ARHGEF18: variants seen among roughly 807,000 people sequenced by gnomAD.
ARHGEF18 encodes Rho/Rac guanine nucleotide exchange factor 18.
In ARHGEF18, 93 loss-of-function variants were observed where a neutral mutation model predicts 155.7. The ratio of observed to expected loss-of-function variants is 0.60; its 90% CI spans 0.50 to 0.71. The LOEUF (loss-of-function observed/expected upper bound fraction) is 0.71. ARHGEF18 is among the 30% of genes least tolerant of loss of function. ARHGEF18 has a pLI of 0.00. For missense variants in ARHGEF18, 1,593 were observed against 1,816.1 expected (o/e 0.88, Z 2.23); for synonymous variants, 742 against 753.1 (o/e 0.99, Z 0.24).
At chr19:7,377,466 T>A (rs908687053) in intron 5 of ARHGEF18, among the ~76,000 whole-genome samples, 1 of 152,130 alleles carries the variant, frequency 6.6e-6, no homozygotes, top group Non-Finnish European at 1.5e-5. Flanking sequence ...TCTAAACACA[T>A]AACAAGTCTC....
intron 1 of ARHGEF18, among the ~76,000 whole-genome samples, chr19:7,360,432 C>T (rs923848482): frequency 4.6e-5 from 7 of 152,208 alleles, no homozygotes; most frequent in South Asian, 2.1e-4. Context: ...GACTAGGTTT[C>T]GCCATGTTGG....
intron 10 of ARHGEF18, among the ~76,000 whole-genome samples, chr19:7,425,369 A>C (rs1458000256): frequency 2.0e-5 from 3 of 152,178 alleles, no homozygotes; most frequent in African/African-American, 2.4e-5. Context: ...CACAAAAAAA[A>C]CAAACTTTTG....
At chr19:7,476,517 A>G (rs1018386810), downstream of ARHGEF18, among the ~76,000 whole-genome samples, 2 of 152,192 alleles carry the variant, frequency 1.3e-5, no homozygotes, top group Admixed American at 6.5e-5. Flanking sequence ...GGGAGCCCCA[A>G]GTATCTTCAG....
At chr19:7,405,289 G>C (rs1358140997) in intron 10 of ARHGEF18, among the ~76,000 whole-genome samples, 3 of 152,184 alleles carry the variant, frequency 2.0e-5, no homozygotes, top group Non-Finnish European at 4.4e-5. Flanking sequence ...GGTGGCCCTA[G>C]GGATTCCTCG....
Position 7,440,104 on chromosome 19 carries a change from T to C in ARHGEF18, c.968-240T>C. The stretch of plus-strand genomic sequence containing the variant: ...GGTCCCGGAGCCCCGGGCGCGAACA[T>C]GGGGAATGCGCACTCCAAAAGCGGG... On this transcript the variant is annotated intron_variant, in intron 10 of 28. Transcript: ENST00000668164. The surrounding 1 kb of genome is among the most constrained non-coding windows in gnomAD (Gnocchi z 5.4). 6.4e-7 allele frequency: 1 copy of C among 1,550,626 alleles called. No homozygotes were observed. The highest frequency in any genetic ancestry group is 8.7e-7 in the Non-Finnish European group (1 of 1,146,620).
At chr19:7,479,511 C>A in the ARHGEF18 span, among the ~76,000 whole-genome samples, 1 of 152,152 alleles carries the variant, frequency 6.6e-6, no homozygotes, top group Non-Finnish European at 1.5e-5. Flanking sequence ...CCCTGGGCGC[C>A]GGACCCAGGC....
downstream of ARHGEF18, chr19:7,477,256 G>A (rs1197636980): frequency 6.3e-7 from 1 of 1,580,746 alleles, no homozygotes. Flanking sequence ...GGTACATGCT[G>A]AGGATTGAGG....
At chr19:7,353,895 G>A (rs1969217544) in intron 1 of ARHGEF18, among the ~76,000 whole-genome samples, 1 of 151,108 alleles carries the variant, frequency 6.6e-6, no homozygotes, top group Admixed American at 6.6e-5. Flanking sequence ...GGAGGTTGGA[G>A]GTTGCAGTGA....
intron 3 of ARHGEF18, 117 bp from the exon 4 acceptor site, chr19:7,375,603 C>G (rs929852946): frequency 1.9e-6 from 2 of 1,067,396 alleles, no homozygotes; most frequent in African/African-American, 1.6e-5. Flanking sequence ...GCTTGCGCAC[C>G]CTTCCTTGTC....
chr19:7,355,802 T>G, intron 1 of ARHGEF18: 2 of 762,670 alleles, frequency 2.6e-6, no homozygotes, highest in South Asian at 5.9e-5. Flanking sequence ...TTGGCTGCAG[T>G]ACAGACTCTG....
chr19:7,367,286 C>G (rs1235774290), intron 2 of ARHGEF18, among the ~76,000 whole-genome samples: 1 of 152,080 alleles, frequency 6.6e-6, no homozygotes, highest in Non-Finnish European at 1.5e-5. Flanking sequence ...TGACTGAGGT[C>G]TTTTTACCCA....
At chr19:7,479,746 G>C in the ARHGEF18 span, among the ~76,000 whole-genome samples, 1 of 152,224 alleles carries the variant, frequency 6.6e-6, no homozygotes. Context: ...TTCTGCAAGG[G>C]GGGACACGTG....
In ARHGEF18 at chr19:7,467,532, G is replaced by A; in HGVS notation, c.3328G>A (p.Glu1110Lys). The change falls in exon 26 of 29, where the codon GAG becomes AAG. Residue 1110 changes from glutamate (E) to lysine (K), a missense_variant. Glu to Lys is a moderately conservative substitution (Grantham distance 56). Transcript: ENST00000668164. ...GCTGGAGCAGGAGCGGGCCGAGCTGGAGCGCCAGCGCCAGGCCTACCAGCA... is the reference window on the plus strand; with the variant it reads ...GCTGGAGCAGGAGCGGGCCGAGCTGAAGCGCCAGCGCCAGGCCTACCAGCA... Reference protein sequence around the residue: ...ERLEQERAELERQRQAYQHDL... With the variant: ...ERLEQERAELKRQRQAYQHDL... The A allele has an allele frequency of 6.9e-7, 1 of 1,445,212 alleles. No individual in the cohort carries two copies. Among genetic ancestry groups the A allele is most frequent in the Non-Finnish European group, 9.0e-7 (1 of 1,110,562 alleles). 89.5% of individuals were successfully genotyped at this position (1,445,212 alleles called of 1,614,324 possible).
At chr19:7,390,928 T>C (rs1444399153) in intron 10 of ARHGEF18, among the ~76,000 whole-genome samples, 2 of 151,960 alleles carry the variant, frequency 1.3e-5, no homozygotes, top group African/African-American at 4.8e-5. Context: ...TAGTCCCAGC[T>C]ACTTGGGAGA....
At chr19:7,458,824 A>G in intron 19 of ARHGEF18, 134 bp downstream of exon 19, 3 of 1,064,316 alleles carry the variant, frequency 2.8e-6, no homozygotes, top group Non-Finnish European at 2.6e-6. Context: ...ACGCCATTCC[A>G]GCTCCTTCTG....
In ARHGEF18 at chr19:7,444,136, G is replaced by A. The variant is rs1974843010; in HGVS notation, c.1361-68G>A. 6.3e-7 allele frequency: 1 copy of A among 1,578,254 alleles called. No homozygotes were observed. Among genetic ancestry groups the A allele is most frequent in the East Asian group, 2.3e-5 (1 of 44,396 alleles). ...CAGTTCAGCACGTGAAGGGCAGGCA[G>A]CACCCACGACTGCCCAGCGGGGCCG... is the stretch of plus-strand genomic sequence containing the variant. On this transcript the variant is annotated intron_variant, in intron 13 of 28. Transcript: ENST00000668164. The surrounding 1 kb of genome is among the most constrained non-coding windows in gnomAD (Gnocchi z 4.7).
intron 15 of ARHGEF18, among the ~76,000 whole-genome samples, chr19:7,447,640 G>A (rs995618751): frequency 9.2e-5 from 14 of 152,142 alleles, no homozygotes; most frequent in African/African-American, 3.4e-4. Context: ...GTTTGGTTTG[G>A]GTTTTAACTA....
At chr19:7,411,254 T>A (rs1972660105) in intron 10 of ARHGEF18, among the ~76,000 whole-genome samples, 1 of 120,248 alleles carries the variant, frequency 8.3e-6, no homozygotes, top group African/African-American at 2.8e-5. Flanking sequence ...CCCTACCTCT[T>A]CCCCTTCCCC....
At chr19:7,350,564 TC>T (rs35362827) in intron 1 of ARHGEF18, among the ~76,000 whole-genome samples, 1 of 152,088 alleles carries the variant, frequency 6.6e-6, no homozygotes, top group Non-Finnish European at 1.5e-5. Flanking sequence ...CTCCCATGCC[TC>T]CCTGGGCATC....
Sources: allele counts gnomAD v4.1 joint callset (sites outside exome capture counted in the v4.1 genomes callset), GRCh38; gene constraint gnomAD v4.1.1; non-coding constraint Gnocchi (gnomAD v3.1); transcripts MANE v1.5; gene names NCBI Gene and HGNC (gene_info 2026-07-23, HGNC 2026-07-21).